The following NAT16 variants were observed in gnomAD, a reference collection of about 807,000 sequenced individuals.
NAT16 encodes N-acetyltransferase 16 (putative).
NAT16 carries 16 observed loss-of-function variants against 15.9 expected under a neutral mutation model. The ratio of observed to expected loss-of-function variants is 1.01; its 90% CI spans 0.68 to 1.53. The LOEUF is 1.53. Ranked by LOEUF, NAT16 falls within the 40% of genes most tolerant of loss-of-function variation. NAT16 has a pLI of 0.00. For missense variants in NAT16, 572 were observed against 508.4 expected, an observed-to-expected ratio of 1.13 and a Z score of -1.20; for synonymous variants, 260 against 241.9, an observed-to-expected ratio of 1.07 and a Z score of -0.69.
chr7:101,178,704 C>T (rs1160078680), intron 1 of NAT16, among the ~76,000 whole-genome samples: 2 of 122,978 alleles, frequency 1.6e-5, no homozygotes, highest in African/African-American at 6.1e-5. Context: ...GAAACCCTCT[C>T]TCTACTAAAA....
chr7:101,172,571 G>A lies in NAT16; in HGVS notation c.618C>T (p.Gly206=), dbSNP rs775231276. ...GARLAALRTS[G]TFSPLPTEAV... ...CCTCGGTGGGCAGCGGCGAGAAGGT[G>A]CCAGAGGTCCGCAGCGCCGCCAGCC... Residue 206 remains glycine, a synonymous_variant, in exon 4 of 4, where the codon GGC becomes GGT. Transcript: ENST00000300303. This position sits in a 1 kb window ranked among gnomAD's most constrained non-coding sequence, Gnocchi z 4.2. 56 of 1,541,038 alleles carry A rather than the reference G, an allele frequency of 3.6e-5. No individual in the cohort carries two copies. The highest frequency in any genetic ancestry group is 1.7e-4 in the African/African-American group (12 of 71,298).
At chr7:101,173,012 G>C (rs148224321) in intron 3 of NAT16, among the ~76,000 whole-genome samples, 72 of 152,296 alleles carry the variant, frequency 4.7e-4, no homozygotes, top group African/African-American at 1.5e-3. Flanking sequence ...CAAAGGCTCA[G>C]AGGAGATGGC....
Position 101,174,489 on chromosome 7 carries a change from G to T in NAT16, c.312+7C>A, listed in dbSNP as rs768574870. 1.9e-5 allele frequency: 30 copies of T among 1,606,374 alleles called. No individual in the cohort carries two copies. In the African/African-American group the frequency reaches 3.8e-4, roughly 20 times the overall value. ...CCATGTCACCTGGGCCGTGCCCCCG[G>T]GCTCACCACGCCTCCGTTGCGCTTG... On this transcript the variant is annotated splice_region_variant and intron_variant, in intron 2 of 3. Transcript: ENST00000300303.
chr7:101,172,105 G>A lies in NAT16; in HGVS notation c.1084C>T (p.Gln362Ter). 6.2e-7 allele frequency: 1 copy of A among 1,613,764 alleles called. No individual in the cohort carries two copies. The highest frequency in any genetic ancestry group is 8.5e-7 in the Non-Finnish European group (1 of 1,179,742). Residue 362 changes from glutamine (Q) to a stop codon, truncating the protein, a stop_gained, in exon 4 of 4, where the codon CAG becomes TAG. Coordinates refer to ENST00000300303, the MANE Select transcript of NAT16 (RefSeq NM_198571.3). LOFTEE classifies it high-confidence loss of function. This position sits in a 1 kb window ranked among gnomAD's most constrained non-coding sequence, Gnocchi z 4.2. ...CAGATGTCGGCCTCCAGCAGGTACT[G>A]TTCAGTATAACCCTTCACCAGCTCC... ...GLELVKGYTE[Q>*]YLLEADI
Position 101,174,426 on chromosome 7 carries a change from C to A in NAT16, c.312+70G>T, listed in dbSNP as rs1242458212. 5.4e-6 allele frequency: 8 copies of A among 1,480,018 alleles called. No individual in the cohort carries two copies. In the Admixed American group the frequency reaches 1.7e-4, roughly 31 times the overall value. 91.7% of individuals were successfully genotyped at this position (1,480,018 alleles called of 1,614,324 possible). ...AGGCTGGGGAGAAGCTCTCATCCTCCTCTTCCTAAGATCCACGCACCCGCA... is the reference window on the plus strand; with the variant it reads ...AGGCTGGGGAGAAGCTCTCATCCTCATCTTCCTAAGATCCACGCACCCGCA... On this transcript the variant is annotated intron_variant, in intron 2 of 3. Coordinates refer to ENST00000300303, the MANE Select transcript of NAT16 (RefSeq NM_198571.3).
chr7:101,179,748 G>T (rs1319822116), intron 1 of NAT16, among the ~76,000 whole-genome samples: 9 of 151,950 alleles, frequency 5.9e-5, no homozygotes, highest in African/African-American at 2.2e-4. Flanking sequence ...CTTGGGCTTG[G>T]GGGAGAGGGA....
In NAT16 at chr7:101,172,053, T is replaced by C. The variant is rs1554368926; in HGVS notation, c.*26A>G. Reference sequence around the variant, plus strand: ...AACTGCGGAAGGGGGCGGGTCTTTTTCCCCCTCCCCGCCAGAGGAGAGGCC... The same window carrying C: ...AACTGCGGAAGGGGGCGGGTCTTTTCCCCCCTCCCCGCCAGAGGAGAGGCC... On this transcript the variant is annotated 3_prime_UTR_variant, in exon 4 of 4. Transcript: ENST00000300303. The surrounding 1 kb of genome is among the most constrained non-coding windows in gnomAD (Gnocchi z 4.2). 21 of 1,517,124 alleles carry C rather than the reference T, an allele frequency of 1.4e-5. No individual in the cohort carries two copies. The East Asian group carries it at 3.2e-4, about 23-fold the overall frequency. The allele number at this position is 1,517,124 out of a possible 1,614,324, so 94.0% of individuals were successfully genotyped here.
chr7:101,175,183 G>A (rs941860105), intron 1 of NAT16, among the ~76,000 whole-genome samples: 1 of 152,090 alleles, frequency 6.6e-6, no homozygotes, highest in African/African-American at 2.4e-5. Context: ...TTGAATTCCT[G>A]ACTTCAGGCG....
chr7:101,178,622 C>T (rs916703663), intron 1 of NAT16, among the ~76,000 whole-genome samples: 1 of 150,958 alleles, frequency 6.6e-6, no homozygotes, highest in African/African-American at 2.4e-5. Context: ...CCTATAATCC[C>T]ACCACTTTGG....
chr7:101,173,214 C>A (rs1360247233), intron 3 of NAT16, 82 bp downstream of exon 3: 1 of 1,255,296 alleles, frequency 8.0e-7, no homozygotes, highest in Admixed American at 1.7e-5. Flanking sequence ...AGAGCAAGCC[C>A]GTGTTCTGCT....
At chr7:101,178,443 C>G (rs1162922401) in intron 1 of NAT16, among the ~76,000 whole-genome samples, 1 of 152,248 alleles carries the variant, frequency 6.6e-6, no homozygotes, top group East Asian at 1.9e-4. Context: ...CAGTCCAGCA[C>G]CCTCCAGCCT....
Position 101,172,389 on chromosome 7 carries a change from C to T in NAT16, c.800G>A (p.Arg267His). The T allele has an allele frequency of 6.4e-7, 1 of 1,573,230 alleles. No individual in the cohort carries two copies. The highest frequency in any genetic ancestry group is 8.6e-7 in the Non-Finnish European group (1 of 1,162,332). Residue 267 changes from arginine (R) to histidine (H), a missense_variant, in exon 4 of 4, where the codon CGC (arginine) becomes CAC (histidine). By Grantham distance (29) the Arg-to-His change is conservative. Transcript: ENST00000300303. The surrounding 1 kb of genome is among the most constrained non-coding windows in gnomAD (Gnocchi z 4.2). ...GCGCGGGCGCGCGCGGCTGTCCACGCGCCACTCCAGGCCCTTGGCCGCCAG... is the reference window on the plus strand; with the variant it reads ...GCGCGGGCGCGCGCGGCTGTCCACGTGCCACTCCAGGCCCTTGGCCGCCAG... ...RLLAAKGLEWRVDSRARPRVL... is the reference protein window; with the variant it reads ...RLLAAKGLEWHVDSRARPRVL...
At position 101,180,111 on chromosome 7, in the gene NAT16, G is replaced by A. The variant is rs1797558106; in HGVS notation, c.-74C>T. The A allele has an allele frequency of 6.5e-6, 1 of 153,120 alleles. No homozygotes were observed. The highest frequency in any genetic ancestry group is 2.1e-4 in the South Asian group (1 of 4,866). 9.5% of individuals were successfully genotyped at this position (153,120 alleles called of 1,614,324 possible). A position where few individuals can be genotyped will look rare whatever the true frequency, so the allele number is the denominator to read the frequency against. ...CCAAGCGGGGCGGGCGGCGGGCGCA[G>A]ACACCCCCGGTGCCAAGAGAGAGGT... is the stretch of plus-strand genomic sequence containing the variant. On this transcript the variant is annotated 5_prime_UTR_variant, in exon 1 of 4. Coordinates refer to ENST00000300303, the MANE Select transcript of NAT16 (RefSeq NM_198571.3).
intron 1 of NAT16, among the ~76,000 whole-genome samples, chr7:101,178,649 G>A (rs1389421627): frequency 2.7e-5 from 4 of 145,572 alleles, no homozygotes; most frequent in Non-Finnish European, 6.0e-5. Context: ...AAGGGAGGCG[G>A]ATCATCTGAG....
intron 1 of NAT16, among the ~76,000 whole-genome samples, chr7:101,176,333 A>G (rs1797465910): frequency 6.6e-6 from 1 of 152,024 alleles, no homozygotes; most frequent in East Asian, 1.9e-4. Flanking sequence ...CATCTCTACC[A>G]AAAATACAAA....
chr7:101,171,853 G>T lies in NAT16; in HGVS notation c.*226C>A, dbSNP rs1030322045. The T allele has an allele frequency of 3.6e-5, 19 of 526,916 alleles. No homozygotes were observed. Among genetic ancestry groups the T allele is most frequent in the African/African-American group, 2.8e-4 (14 of 49,918 alleles). The allele number at this position is 526,916 out of a possible 1,614,324, so 32.6% of individuals were successfully genotyped here. A position where few individuals can be genotyped will look rare whatever the true frequency, so the allele number is the denominator to read the frequency against. ...ACCCCCAGCCCCCACCTAATAGTCC[G>T]CAAGTTCAGGTCAGGGAGTGGGCAA... On this transcript the variant is annotated 3_prime_UTR_variant, in exon 4 of 4. Coordinates refer to ENST00000300303, the MANE Select transcript of NAT16 (RefSeq NM_198571.3).
Position 101,174,243 on chromosome 7 carries a change from C to G in NAT16, c.312+253G>C, listed in dbSNP as rs1249886925. On this transcript the variant is annotated intron_variant, in intron 2 of 3. Transcript: ENST00000300303. ...TTTGCTTTTACCCCCAGAAATTCCT[C>G]CGGTGGATCCTCGAACTTTCAAACG... 5.7e-6 allele frequency: 3 copies of G among 526,522 alleles called. No individual in the cohort carries two copies. The East Asian group carries it at 9.4e-5, about 16-fold the overall frequency. The allele number at this position is 526,522 out of a possible 1,614,324, so 32.6% of individuals were successfully genotyped here.
At chr7:101,179,085 C>T (rs1040202975) in intron 1 of NAT16, 4 of 147,128 alleles carry the variant, frequency 2.7e-5, no homozygotes, top group African/African-American at 1.0e-4. Flanking sequence ...ACTCCCACCA[C>T]ACCCCACACA....
At chr7:101,178,714 A>G (rs1374339892) in intron 1 of NAT16, among the ~76,000 whole-genome samples, 1 of 146,656 alleles carries the variant, frequency 6.8e-6, no homozygotes, top group African/African-American at 2.5e-5. Flanking sequence ...CTCTACTAAA[A>G]AAAAAAAAAA....
Sources: allele counts gnomAD v4.1 joint callset (sites outside exome capture counted in the v4.1 genomes callset), GRCh38; gene constraint gnomAD v4.1.1; non-coding constraint Gnocchi (gnomAD v3.1); transcripts MANE v1.5; gene names NCBI Gene and HGNC (gene_info 2026-07-23, HGNC 2026-07-21).